APEH: variants seen among roughly 807,000 people sequenced by gnomAD.
APEH encodes acylamino-acid-releasing enzyme.
APEH carries 75 observed loss-of-function variants against 102.7 expected under a neutral mutation model. The ratio of observed to expected loss-of-function variants is 0.73; its 90% CI spans 0.61 to 0.89. The LOEUF (loss-of-function observed/expected upper bound fraction) is 0.89, where lower values mean the gene tolerates loss of function less well. Ranked by LOEUF, APEH falls within the 40% of genes least tolerant of loss-of-function variation. APEH has a pLI of 0.00. For missense variants in APEH, 863 were observed against 941.2 expected (o/e 0.92, Z 1.09); for synonymous variants, 344 against 362.7 (o/e 0.95, Z 0.59).
intron 17 of APEH, 147 bp downstream of exon 17, chr3:49,682,114 G>A (rs1337788276): frequency 2.0e-6 from 2 of 1,005,338 alleles, no homozygotes; most frequent in Non-Finnish European, 1.5e-6. Flanking sequence ...AACTGCTGGG[G>A]CCCAGCCTCT....
At chr3:49,676,028 C>T (rs1192535982) in intron 5 of APEH, 28 bp from the exon 6 acceptor site, 1 of 1,614,188 alleles carries the variant, frequency 6.2e-7, no homozygotes, top group African/African-American at 1.3e-5. Context: ...GCCCTGGGCC[C>T]CCCCTGATTG....
At chr3:49,673,456 C>G (rs1002326577), upstream of APEH, among the ~76,000 whole-genome samples, 2 of 152,072 alleles carry the variant, frequency 1.3e-5, no homozygotes, top group Admixed American at 6.5e-5. Flanking sequence ...GGGAGGAAGG[C>G]AGGGACCCAC....
intron 3 of APEH, 87 bp downstream of exon 3, chr3:49,675,396 G>T: frequency 6.5e-7 from 1 of 1,548,758 alleles, no homozygotes; most frequent in Non-Finnish European, 8.8e-7. Flanking sequence ...TGCCTAGAAG[G>T]GAGGCCAGCA....
chr3:49,682,541 T>G lies in APEH; in HGVS notation c.1693-5T>G. The G allele has an allele frequency of 6.2e-7, 1 of 1,614,076 alleles. No individual in the cohort carries two copies. The highest frequency in any genetic ancestry group is 1.3e-5 in the African/African-American group (1 of 75,064). On this transcript the variant is annotated splice_polypyrimidine_tract_variant and splice_region_variant and intron_variant, in intron 18 of 21. Coordinates refer to ENST00000296456, the MANE Select transcript of APEH (RefSeq NM_001640.4). ...GGCTGCAGCATGCTTTGTCCCACCCTGCAGTTTGCAGTGGAACAGGTGCTC... is the reference window on the plus strand; with the variant it reads ...GGCTGCAGCATGCTTTGTCCCACCCGGCAGTTTGCAGTGGAACAGGTGCTC...
rs1185317122 is a variant in APEH at position 49,675,268 on chromosome 3, G to A, written c.231G>A (p.Val77=). 6 of 1,613,954 alleles carry A rather than the reference G, an allele frequency of 3.7e-6. No homozygotes were observed. The highest frequency in any genetic ancestry group is 1.7e-5 in the Admixed American group (1 of 59,996). The part of the protein sequence containing the change: ...YLVFHDGDSV[V]FAGPAGNSVE... ...TGTTCCATGACGGGGACTCAGTGGTGTTTGCAGGACCTGCAGGCAACAGTG... is the reference window on the plus strand; with the variant it reads ...TGTTCCATGACGGGGACTCAGTGGTATTTGCAGGACCTGCAGGCAACAGTG... The change falls in exon 3 of 22, where the codon GTG becomes GTA. Residue 77 remains valine (V), a synonymous_variant. Coordinates refer to ENST00000296456, the MANE Select transcript of APEH (RefSeq NM_001640.4).
chr3:49,674,375 C>T lies in APEH; in HGVS notation c.-27C>T, dbSNP rs2052912793. The T allele has an allele frequency of 1.9e-6, 3 of 1,561,702 alleles. No homozygotes were observed. Among genetic ancestry groups the T allele is most frequent in the Non-Finnish European group, 2.6e-6 (3 of 1,160,766 alleles). ...CACTTCCGGGCGCGAGCACGCCCCGCCTCGCCCCGGCGGCAGAGAGGAGAC... is the reference window on the plus strand; with the variant it reads ...CACTTCCGGGCGCGAGCACGCCCCGTCTCGCCCCGGCGGCAGAGAGGAGAC... On this transcript the variant is annotated 5_prime_UTR_variant, in exon 1 of 22. Transcript: ENST00000296456.
rs2053228392 is a variant in APEH at position 49,679,620 on chromosome 3, G to A, written c.1186G>A (p.Gly396Ser). The A allele has an allele frequency of 1.9e-6, 3 of 1,613,806 alleles. No individual in the cohort carries two copies. The highest frequency in any genetic ancestry group is 2.2e-5 in the South Asian group (2 of 91,084). Residue 396 changes from glycine to serine, a missense_variant, in exon 13 of 22, where the codon GGC becomes AGC. Gly to Ser is a moderately conservative substitution (Grantham distance 56). Transcript: ENST00000296456. The surrounding 1 kb of genome is among the most constrained non-coding windows in gnomAD (Gnocchi z 4.3). ...CCTGTTTGCTGTGGACACCCAAGTG[G>A]GCACTGTGACCTCCCTCACAGCTGG... ...QDLFAVDTQV[G>S]TVTSLTAGGS...
rs2108115193 is a variant in APEH, at chr3:49,675,178, C to T, written c.146-5C>T. On this transcript the variant is annotated splice_polypyrimidine_tract_variant and splice_region_variant and intron_variant, in intron 2 of 21. Transcript: ENST00000296456. Reference sequence around the variant, plus strand: ...AGGTGAGCAGTCTCATGCCTCCCCTCACAGAGTGGACCCAGAGGGACCTGG... The same window carrying T: ...AGGTGAGCAGTCTCATGCCTCCCCTTACAGAGTGGACCCAGAGGGACCTGG... 6.2e-7 allele frequency: 1 copy of T among 1,613,904 alleles called. No homozygotes were observed. The highest frequency in any genetic ancestry group is 1.1e-5 in the South Asian group (1 of 91,072).
chr3:49,674,250 C>A, upstream of APEH: 1 of 1,005,466 alleles, frequency 9.9e-7, no homozygotes, highest in Non-Finnish European at 1.4e-6. Context: ...CCCCTGCCAA[C>A]GGTCCTCACC....
In APEH at chr3:49,674,532, G is replaced by T; in HGVS notation, c.56G>T (p.Gly19Val). 6.4e-7 allele frequency: 1 copy of T among 1,565,978 alleles called. No individual in the cohort carries two copies. The highest frequency in any genetic ancestry group is 1.2e-5 in the South Asian group (1 of 86,708). The change falls in exon 2 of 22, where the codon GGC becomes GTC. Residue 19 changes from glycine (G) to valine (V), a missense_variant. Coordinates refer to ENST00000296456, the MANE Select transcript of APEH (RefSeq NM_001640.4). ...GAGGAGGCGGCGGCTCTGTATCGGGGCCTTAGCCGCCAGCCCGCGCTGAGC... is the reference window on the plus strand; with the variant it reads ...GAGGAGGCGGCGGCTCTGTATCGGGTCCTTAGCCGCCAGCCCGCGCTGAGC... The part of the protein sequence containing the change: ...EPEEAAALYR[G>V]LSRQPALSAA...
At chr3:49,675,513 T>TG (rs2052988801) in intron 3 of APEH, 181 bp from the exon 4 acceptor site, 10 of 970,920 alleles carry the variant, frequency 1.0e-5, no homozygotes, top group Non-Finnish European at 1.4e-5. Flanking sequence ...CATGGTGGCC[T>TG]GGGGAGTTGC....
At chr3:49,674,784 A>AG (rs2052944506) in intron 2 of APEH, among the ~76,000 whole-genome samples, 163 bp downstream of exon 2, 1 of 151,628 alleles carries the variant, frequency 6.6e-6, no homozygotes, top group Non-Finnish European at 1.5e-5. Flanking sequence ...AGGTGTGTGG[A>AG]GGGGGGGAGG....
intron 13 of APEH, chr3:49,680,135 G>A (rs1304464682): frequency 5.3e-5 from 14 of 265,836 alleles, no homozygotes; most frequent in South Asian, 3.6e-4. Context: ...GACTGTATCC[G>A]CTCCTCCACA....
Position 49,677,935 on chromosome 3 carries a change from C to T in APEH, c.1060+302C>T, listed in dbSNP as rs574323851. On this transcript the variant is annotated intron_variant, in intron 11 of 21. Coordinates refer to ENST00000296456, the MANE Select transcript of APEH (RefSeq NM_001640.4). ...TCATAATTAGAGTTTTCTTATTTTT[C>T]CAATGGCTGGTTCAAACCAAAACCA... 3.9e-5 allele frequency among the ~76,000 whole-genome samples: 6 copies of T among 152,236 alleles called. No individual in the cohort carries two copies. In the South Asian group the frequency reaches 1.2e-3, roughly 32 times the overall value.
chr3:49,676,405 T>C lies in APEH; in HGVS notation c.634T>C (p.Trp212Arg). The C allele has an allele frequency of 6.2e-7, 1 of 1,614,232 alleles. No homozygotes were observed. The highest frequency in any genetic ancestry group is 1.3e-5 in the African/African-American group (1 of 75,076). ...GGATCAGTTTGTGTTTTATGAAGAC[T>C]GGGGAGAAAACATGGTTTCCAAAAG... The part of the protein sequence containing the change: ...KGDQFVFYED[W>R]GENMVSKSIP... Residue 212 changes from tryptophan to arginine, a missense_variant, in exon 7 of 22, where the codon TGG becomes CGG. Coordinates refer to ENST00000296456, the MANE Select transcript of APEH (RefSeq NM_001640.4).
chr3:49,675,603 C>A, intron 3 of APEH, 91 bp from the exon 4 acceptor site: 1 of 1,316,698 alleles, frequency 7.6e-7, no homozygotes, highest in Non-Finnish European at 1.1e-6. Context: ...GGGCCAGAGC[C>A]TCAAGAATCT....
Position 49,676,041 on chromosome 3 carries a change from C to A in APEH, c.443-15C>A. 1 of 1,614,154 alleles carries A rather than the reference C, an allele frequency of 6.2e-7. No homozygotes were observed. The highest frequency in any genetic ancestry group is 1.6e-4 in the Middle Eastern group (1 of 6,062). On this transcript the variant is annotated splice_polypyrimidine_tract_variant and intron_variant, in intron 5 of 21. Coordinates refer to ENST00000296456, the MANE Select transcript of APEH (RefSeq NM_001640.4). ...TAGCCCTGGGCCCCCCCTGATTGGC[C>A]CTCCCTGCACCCAGACTGCTTTGGC...
chr3:49,675,616 C>CCT (rs1393001875), intron 3 of APEH, 78 bp from the exon 4 acceptor site: 6 of 1,391,982 alleles, frequency 4.3e-6, no homozygotes, highest in Non-Finnish European at 5.1e-6. Flanking sequence ...AAGAATCTCT[C>CCT]CTAAGAGGTG....
intron 11 of APEH, 117 bp from the exon 12 acceptor site, chr3:49,678,735 G>A (rs1040146316): frequency 7.1e-6 from 6 of 843,212 alleles, no homozygotes; most frequent in African/African-American, 3.4e-5. Flanking sequence ...AGCTGCAGGG[G>A]CCTGACTGGT....
Sources: allele counts gnomAD v4.1 joint callset (sites outside exome capture counted in the v4.1 genomes callset), GRCh38; gene constraint gnomAD v4.1.1; non-coding constraint Gnocchi (gnomAD v3.1); transcripts MANE v1.5; gene names NCBI Gene and HGNC (gene_info 2026-07-23, HGNC 2026-07-21).